The following GAB2 variants were observed in gnomAD, a reference collection of about 807,000 sequenced individuals.
The protein encoded by GAB2 is GRB2 associated binding protein 2, also known as GRB2-associated-binding protein 2.
In GAB2, 26 loss-of-function variants were observed where a neutral mutation model predicts 65.5. The observed-to-expected ratio is 0.40, with a 90% confidence interval of 0.29 to 0.55. The LOEUF (loss-of-function observed/expected upper bound fraction) is 0.55. GAB2 is among the 20% of genes least tolerant of loss of function. The probability of loss-of-function intolerance (pLI) is 0.53; values close to 1 mark genes in which losing one functional copy is unlikely to be tolerated. For missense variants in GAB2, 884 were observed against 875.8 expected, an observed-to-expected ratio of 1.01 and a Z score of -0.12; for synonymous variants, 321 against 329.6, an observed-to-expected ratio of 0.97 and a Z score of 0.28.
At chr11:78,236,370 C>T (rs1339191407) in intron 3 of GAB2, among the ~76,000 whole-genome samples, 1 of 152,118 alleles carries the variant, frequency 6.6e-6, no homozygotes, top group Non-Finnish European at 1.5e-5. Context: ...AGGCTGGTCT[C>T]GAACTCTTGA....
At chr11:78,224,316 G>C (rs1196368214) in intron 5 of GAB2, among the ~76,000 whole-genome samples, 1 of 152,118 alleles carries the variant, frequency 6.6e-6, no homozygotes, top group Non-Finnish European at 1.5e-5. Flanking sequence ...TCCACCTCAA[G>C]TCCAGACTCA....
chr11:78,391,536 T>G (rs1430935741), intron 1 of GAB2, among the ~76,000 whole-genome samples: 2 of 152,300 alleles, frequency 1.3e-5, no homozygotes, highest in East Asian at 1.9e-4. Context: ...TTAAGCACCA[T>G]GTAAGCAGTC....
chr11:78,255,628 T>A (rs1341490776), intron 2 of GAB2, among the ~76,000 whole-genome samples: 1 of 152,168 alleles, frequency 6.6e-6, no homozygotes, highest in Non-Finnish European at 1.5e-5. Flanking sequence ...ACTTTCCACA[T>A]CAGTTGGAGG....
intron 3 of GAB2, among the ~76,000 whole-genome samples, chr11:78,247,904 C>T (rs1811558666): frequency 6.6e-6 from 1 of 152,160 alleles, no homozygotes. Flanking sequence ...GCTCATTACC[C>T]TCTCATTCCC....
chr11:78,346,696 T>C lies in GAB2; in HGVS notation c.76-65795A>G, dbSNP rs1375157600. 1.5e-4 allele frequency among the ~76,000 whole-genome samples: 14 copies of C among 91,974 alleles called. 1 individual carries two copies. Among genetic ancestry groups the C allele is most frequent in the African/African-American group, 1.0e-3 (14 of 13,346 alleles). The allele number at this position is 91,974 out of a possible 152,430, so 60.3% of individuals were successfully genotyped here. A position where few individuals can be genotyped will look rare whatever the true frequency, so the allele number is the denominator to read the frequency against. Reference sequence around the variant, plus strand: ...CTCCATATATATATATATATATATATATATATATATATATATATATATATA... The same window carrying C: ...CTCCATATATATATATATATATATACATATATATATATATATATATATATA... On this transcript the variant is annotated intron_variant, in intron 1 of 9. Transcript: ENST00000361507.
intron 1 of GAB2, among the ~76,000 whole-genome samples, chr11:78,286,688 G>C (rs1237201537): frequency 6.6e-6 from 1 of 152,068 alleles, no homozygotes; most frequent in Admixed American, 6.6e-5. Flanking sequence ...GAGGATTACA[G>C]AAAAAAGAAT....
At chr11:78,363,911 AAGT>A (rs1856466110) in intron 1 of GAB2, 1 of 152,082 alleles carries the variant, frequency 6.6e-6, no homozygotes, top group South Asian at 2.1e-4. Context: ...AAAAAGCTGT[AAGT>A]AGAGTTTTAA....
chr11:78,417,033 C>A (rs928876460), intron 1 of GAB2, among the ~76,000 whole-genome samples: 20 of 152,158 alleles, frequency 1.3e-4, no homozygotes, highest in Non-Finnish European at 2.5e-4. Context: ...GGGGGAGGCG[C>A]CTGTGAGAGA....
At chr11:78,280,440 G>A (rs1866302337) in intron 2 of GAB2, 161 bp downstream of exon 2, 1 of 653,952 alleles carries the variant, frequency 1.5e-6, no homozygotes, top group East Asian at 2.6e-5. Context: ...TTAGGGCCAG[G>A]TGTCCCTCTA....
At chr11:78,236,328 G>T (rs1864980020) in intron 3 of GAB2, among the ~76,000 whole-genome samples, 2 of 151,978 alleles carry the variant, frequency 1.3e-5, no homozygotes, top group African/African-American at 4.8e-5. Context: ...TTTTTTTGTT[G>T]TTAAAATACA....
intron 2 of GAB2, among the ~76,000 whole-genome samples, chr11:78,259,145 T>C (rs1483127804): frequency 6.6e-6 from 1 of 152,196 alleles, no homozygotes; most frequent in Admixed American, 6.5e-5. Context: ...AACTATCTTA[T>C]TACAGGGCCT....
chr11:78,401,733 T>G (rs947330276), intron 1 of GAB2, among the ~76,000 whole-genome samples: 8 of 152,154 alleles, frequency 5.3e-5, no homozygotes, highest in African/African-American at 1.9e-4. Context: ...CACACACATA[T>G]CACATTTTGT....
chr11:78,346,700 TATATATATATATATATATATA>T lies in GAB2; in HGVS notation c.76-65820_76-65800del, dbSNP rs1359263075. Among the ~76,000 whole-genome samples, 90 of 94,986 alleles carry T rather than the reference TATATATATATATATATATATA, an allele frequency of 9.5e-4. 5 individuals are homozygous for T. In the East Asian group the frequency reaches 9.6e-3, roughly 10 times the overall value. 62.3% of individuals were successfully genotyped at this position (94,986 alleles called of 152,430 possible). A position where few individuals can be genotyped will look rare whatever the true frequency, so the allele number is the denominator to read the frequency against. ...ATATATATATATATATATATATATA[TATATATATATATATATATATA>T]ATTTTTTTTTTTTTTAGGAAAAGAA... On this transcript the variant is annotated intron_variant, in intron 1 of 9. Coordinates refer to ENST00000361507, the MANE Select transcript of GAB2 (RefSeq NM_080491.3).
At chr11:78,397,777 CTATGTACACTGTAGATACT>C (rs559290279) in intron 1 of GAB2, among the ~76,000 whole-genome samples, 161 of 152,212 alleles carry the variant, frequency 1.1e-3, no homozygotes, top group African/African-American at 3.4e-3. Context: ...GAGGGGAATA[CTATGTACACTGTAGATACT>C]TATGTACACT....
intron 1 of GAB2, among the ~76,000 whole-genome samples, chr11:78,284,140 A>G (rs1441248693): frequency 3.9e-5 from 6 of 152,160 alleles, no homozygotes; most frequent in African/African-American, 1.4e-4. Flanking sequence ...CCAAAAATCT[A>G]TGTATCATAG....
intron 1 of GAB2, among the ~76,000 whole-genome samples, chr11:78,282,577 G>T (rs1407800136): frequency 6.6e-6 from 1 of 152,088 alleles, no homozygotes; most frequent in African/African-American, 2.4e-5. Flanking sequence ...CCAAAGTGCT[G>T]GGATTACAAG....
At chr11:78,320,975 T>C (rs1349566741) in intron 1 of GAB2, among the ~76,000 whole-genome samples, 1 of 152,048 alleles carries the variant, frequency 6.6e-6, no homozygotes, top group African/African-American at 2.4e-5. Context: ...AACTGATCAA[T>C]TTCTTAGTCA....
chr11:78,335,195 T>C (rs1855977736), intron 1 of GAB2, among the ~76,000 whole-genome samples: 1 of 152,224 alleles, frequency 6.6e-6, no homozygotes, highest in Admixed American at 6.5e-5. Flanking sequence ...GTGGGTTGTC[T>C]CTTCATTTTA....
chr11:78,416,059 G>T (rs890565835), intron 1 of GAB2, among the ~76,000 whole-genome samples: 6 of 149,460 alleles, frequency 4.0e-5, no homozygotes, highest in South Asian at 2.2e-4. Context: ...TTATAAAATT[G>T]TTAATAGTAA....
Sources: allele counts gnomAD v4.1 joint callset (sites outside exome capture counted in the v4.1 genomes callset), GRCh38; gene constraint gnomAD v4.1.1; transcripts MANE v1.5; gene names NCBI Gene and HGNC (gene_info 2026-07-23, HGNC 2026-07-21).